The following DNAJC18 variants were observed in gnomAD, a reference collection of about 807,000 sequenced individuals.
The protein encoded by DNAJC18 is DnaJ heat shock protein family (Hsp40) member C18.
Under a neutral mutation model 48.6 loss-of-function variants are expected in DNAJC18, and 40 were observed. The observed-to-expected ratio is 0.82, with a 90% confidence interval of 0.64 to 1.07. The LOEUF is 1.07. Among genes scored for constraint, DNAJC18 ranks in the 50% least tolerant of loss-of-function variants. The pLI is 0.00. For missense variants in DNAJC18, 340 were observed against 427.7 expected, an observed-to-expected ratio of 0.79 and a Z score of 1.81; for synonymous variants, 135 against 152.2, an observed-to-expected ratio of 0.89 and a Z score of 0.83.
At chr5:139,428,430 A>G (rs201930125) in intron 3 of DNAJC18, 108 bp downstream of exon 3, 84 of 1,431,322 alleles carry the variant, frequency 5.9e-5, no homozygotes, top group African/African-American at 8.7e-5. Context: ...TGGCAGGGGG[A>G]AAAAACCCTC....
rs1342028311 is a variant in DNAJC18, at chr5:139,425,072, TAGTA to T, written c.598_601del (p.Tyr200IlefsTer37). 7 of 1,613,192 alleles carry T rather than the reference TAGTA, an allele frequency of 4.3e-6. No individual in the cohort carries two copies. The highest frequency in any genetic ancestry group is 2.2e-5 in the East Asian group (1 of 44,854). ...CTCATGTCGGTGCCGTCGACGGTAATAGTAAGTGTCATCTGTCACATTTGAAAAC... is the reference window on the plus strand; with the variant it reads ...CTCATGTCGGTGCCGTCGACGGTAATAGTGTCATCTGTCACATTTGAAAAC... On this transcript the variant is annotated frameshift_variant, in exon 5 of 8. Coordinates refer to ENST00000302060, the MANE Select transcript of DNAJC18 (RefSeq NM_152686.4). LOFTEE classifies it high-confidence loss of function.
At position 139,413,141 on chromosome 5, in the gene DNAJC18, T is replaced by A. The variant is rs1290927259; in HGVS notation, c.*1007A>T. ...TTTATAGTAGGCACTCAATAAATGTTGAATGAATGAAAAATCATCTCAAAT... is the reference window on the plus strand; with the variant it reads ...TTTATAGTAGGCACTCAATAAATGTAGAATGAATGAAAAATCATCTCAAAT... On this transcript the variant is annotated 3_prime_UTR_variant, in exon 8 of 8. Coordinates refer to ENST00000302060, the MANE Select transcript of DNAJC18 (RefSeq NM_152686.4). 2.7e-6 allele frequency: 1 copy of A among 370,838 alleles called. No homozygotes were observed. The highest frequency in any genetic ancestry group is 4.8e-6 in the Non-Finnish European group (1 of 209,066). 23.0% of individuals were successfully genotyped at this position (370,838 alleles called of 1,614,324 possible).
At position 139,414,097 on chromosome 5, in the gene DNAJC18, T is replaced by C. The variant is rs1379109927; in HGVS notation, c.*51A>G. The C allele has an allele frequency of 6.3e-7, 1 of 1,582,788 alleles. No homozygotes were observed. The highest frequency in any genetic ancestry group is 2.3e-5 in the East Asian group (1 of 44,428). On this transcript the variant is annotated 3_prime_UTR_variant, in exon 8 of 8. Coordinates refer to ENST00000302060, the MANE Select transcript of DNAJC18 (RefSeq NM_152686.4). ...GTATTATAAAATGGAATCAGGAACATAAATAGGAACAAGTAGCAAAACCCC... is the reference window on the plus strand; with the variant it reads ...GTATTATAAAATGGAATCAGGAACACAAATAGGAACAAGTAGCAAAACCCC...
At chr5:139,419,570 A>T (rs1490751027) in intron 7 of DNAJC18, among the ~76,000 whole-genome samples, 1 of 152,236 alleles carries the variant, frequency 6.6e-6, no homozygotes, top group Non-Finnish European at 1.5e-5. Flanking sequence ...GGAGTGTGGA[A>T]TTGGGAAACT....
rs1051654739 is a variant in DNAJC18 at position 139,420,312 on chromosome 5, C to G, written c.780-87G>C. ...CTGCCCTCACAGATATCATCATCATCATCTGCTCATAGAGCAGAGGCAGAT... is the reference window on the plus strand; with the variant it reads ...CTGCCCTCACAGATATCATCATCATGATCTGCTCATAGAGCAGAGGCAGAT... On this transcript the variant is annotated intron_variant, in intron 6 of 7. Transcript: ENST00000302060. 9.2e-6 allele frequency: 12 copies of G among 1,307,310 alleles called. No homozygotes were observed. The African/African-American group carries it at 1.8e-4, about 20-fold the overall frequency. 81.0% of individuals were successfully genotyped at this position (1,307,310 alleles called of 1,614,324 possible).
chr5:139,413,125 G>C lies in DNAJC18; in HGVS notation c.*1023C>G. ...TGTGAGAGCCCCTGCTTTTATAGTA[G>C]GCACTCAATAAATGTTGAATGAATG... On this transcript the variant is annotated 3_prime_UTR_variant, in exon 8 of 8. Coordinates refer to ENST00000302060, the MANE Select transcript of DNAJC18 (RefSeq NM_152686.4). 1 of 386,452 alleles carries C rather than the reference G, an allele frequency of 2.6e-6. No individual in the cohort carries two copies. The highest frequency in any genetic ancestry group is 3.7e-5 in the East Asian group (1 of 27,026). The allele number at this position is 386,452 out of a possible 1,614,324, so 23.9% of individuals were successfully genotyped here.
In DNAJC18 at chr5:139,439,296, C is replaced by T; in HGVS notation, c.40+110G>A. On this transcript the variant is annotated intron_variant, in intron 1 of 7. Coordinates refer to ENST00000302060, the MANE Select transcript of DNAJC18 (RefSeq NM_152686.4). This position sits in a 1 kb window ranked among gnomAD's most constrained non-coding sequence, Gnocchi z 4.1. ...AGGCTCAGCATCTTTTCACAGGCCT[C>T]TATCCATCACCTCAGACCCAGGATC... is the stretch of plus-strand genomic sequence containing the variant. 1 of 1,543,432 alleles carries T rather than the reference C, an allele frequency of 6.5e-7. No individual in the cohort carries two copies. Among genetic ancestry groups the T allele is most frequent in the East Asian group, 2.3e-5 (1 of 43,268 alleles).
At chr5:139,417,454 G>A (rs970848428) in intron 7 of DNAJC18, among the ~76,000 whole-genome samples, 3 of 152,018 alleles carry the variant, frequency 2.0e-5, no homozygotes, top group African/African-American at 7.2e-5. Context: ...CTTGGGTTGT[G>A]TGGAGGCTCT....
In DNAJC18 at chr5:139,413,302, C is replaced by A; in HGVS notation, c.*846G>T. ...GCCTGGAGAGCTGGCAATGCCTCCT[C>A]CTGGGTCTGACCATCTGCCTCTGTG... On this transcript the variant is annotated 3_prime_UTR_variant, in exon 8 of 8. Coordinates refer to ENST00000302060, the MANE Select transcript of DNAJC18 (RefSeq NM_152686.4). The A allele has an allele frequency of 6.3e-6, 1 of 158,928 alleles. No homozygotes were observed. The highest frequency in any genetic ancestry group is 1.4e-5 in the Non-Finnish European group (1 of 72,790). 9.8% of individuals were successfully genotyped at this position (158,928 alleles called of 1,614,324 possible).
At position 139,428,657 on chromosome 5, in the gene DNAJC18, T is replaced by C; in HGVS notation, c.254A>G (p.Glu85Gly). The C allele has an allele frequency of 2.5e-6, 4 of 1,612,346 alleles. No homozygotes were observed. The highest frequency in any genetic ancestry group is 3.4e-6 in the Non-Finnish European group (4 of 1,179,602). ...AGCATCTCGAGAAACTCCCAGAATT[T>C]CATAGTAATTTCTGCATTTCTTGAT... The part of the protein sequence containing the change: ...QRIKKCRNYY[E>G]ILGVSRDASD... Residue 85 changes from glutamate to glycine, a missense_variant, in exon 3 of 8, where the codon GAA (glutamate) becomes GGA (glycine). Physicochemically the swap from Glu to Gly is moderately conservative, Grantham distance 98 (BLOSUM62 -2). Transcript: ENST00000302060.
intron 2 of DNAJC18, among the ~76,000 whole-genome samples, chr5:139,433,444 C>CAA (rs1329018409): frequency 4.0e-4 from 27 of 66,686 alleles, no homozygotes; most frequent in African/African-American, 6.6e-4. Context: ...AACTCCATCT[C>CAA]AAAAAAAAAA....
intron 2 of DNAJC18, among the ~76,000 whole-genome samples, chr5:139,435,704 A>ATTTTTTTTTTT (rs1561470246): frequency 5.0e-5 from 1 of 20,130 alleles, no homozygotes; most frequent in African/African-American, 1.2e-4. Flanking sequence ...CTTCATTGGA[A>ATTTTTTTTTTT]GTTTTTTTTT....
chr5:139,422,608 A>C, intron 6 of DNAJC18, 100 bp downstream of exon 6: 1 of 952,674 alleles, frequency 1.0e-6, no homozygotes, highest in Non-Finnish European at 1.6e-6. Context: ...TGTTTTCTAC[A>C]GCAAAAGGTG....
Position 139,414,125 on chromosome 5 carries a change from C to T in DNAJC18, c.*23G>A. The T allele has an allele frequency of 6.2e-7, 1 of 1,603,594 alleles. No individual in the cohort carries two copies. Among genetic ancestry groups the T allele is most frequent in the Non-Finnish European group, 8.5e-7 (1 of 1,176,978 alleles). On this transcript the variant is annotated 3_prime_UTR_variant, in exon 8 of 8. Coordinates refer to ENST00000302060, the MANE Select transcript of DNAJC18 (RefSeq NM_152686.4). ...ATAGGAACAAGTAGCAAAACCCCAG[C>T]CCTGCGTAGGACCATTATCCTCTCA...
At chr5:139,430,248 C>CTGTA (rs1459140469) in intron 2 of DNAJC18, among the ~76,000 whole-genome samples, 1 of 152,226 alleles carries the variant, frequency 6.6e-6, no homozygotes, top group East Asian at 1.9e-4. Context: ...AAAAACTCCA[C>CTGTA]TGTATAATCA....
At position 139,412,981 on chromosome 5, in the gene DNAJC18, C is replaced by A. The variant is rs544089612; in HGVS notation, c.*1167G>T. 2.5e-6 allele frequency: 1 copy of A among 398,230 alleles called. No homozygotes were observed. Among genetic ancestry groups the A allele is most frequent in the Non-Finnish European group, 4.4e-6 (1 of 226,052 alleles). 24.7% of individuals were successfully genotyped at this position (398,230 alleles called of 1,614,324 possible). On this transcript the variant is annotated 3_prime_UTR_variant, in exon 8 of 8. Transcript: ENST00000302060. ...ACTTTCTACTTGACACTCAGCCTAC[C>A]GTCTTGCTCTGCCACTACAAGACCT...
intron 7 of DNAJC18, among the ~76,000 whole-genome samples, chr5:139,417,182 T>C (rs1759082100): frequency 8.4e-6 from 1 of 118,574 alleles, no homozygotes; most frequent in African/African-American, 2.9e-5. Context: ...AGAGCGAGAC[T>C]CTGTCAAAAA....
At chr5:139,437,295 A>C (rs1396871738) in intron 2 of DNAJC18, 77 bp downstream of exon 2, 1 of 1,476,678 alleles carries the variant, frequency 6.8e-7, no homozygotes, top group Non-Finnish European at 9.0e-7. Flanking sequence ...TCATCAGTCA[A>C]TACTTACATA....
intron 1 of DNAJC18, among the ~76,000 whole-genome samples, chr5:139,438,348 T>C (rs1336108662): frequency 6.6e-6 from 1 of 152,152 alleles, no homozygotes; most frequent in Non-Finnish European, 1.5e-5. Context: ...TGAGATTTTT[T>C]TTTGCAATTT....
Sources: gnomAD v4.1 joint callset for allele counts (sites outside exome capture counted in the v4.1 genomes callset) on GRCh38, gnomAD v4.1.1 for gene constraint, Gnocchi (gnomAD v3.1) non-coding constraint, MANE v1.5 for transcripts, NCBI Gene and HGNC (gene_info 2026-07-23, HGNC 2026-07-21) for gene names.